Variants in ADAMTSL1 observed in about 807,000 individuals in gnomAD.
The protein encoded by ADAMTSL1 is ADAMTS-like protein 1.
A neutral mutation model predicts 201.8 loss-of-function variants in ADAMTSL1; 126 were observed. The observed-to-expected ratio is 0.62, with a 90% CI of 0.54 to 0.72. The LOEUF is 0.72. ADAMTSL1 is among the 30% of genes least tolerant of loss of function. The pLI, the probability that ADAMTSL1 is intolerant of heterozygous loss-of-function variation, is 0.00. For synonymous variants in ADAMTSL1, 1,121 were observed against 903.4 expected (o/e 1.24, Z -4.32); for missense variants, 2,679 against 2,277.8 (o/e 1.18, Z -3.59).
chr9:18,515,121 A>G (rs923978169), intron 2 of ADAMTSL1, among the ~76,000 whole-genome samples: 1 of 152,148 alleles, frequency 6.6e-6, no homozygotes, highest in Non-Finnish European at 1.5e-5. Flanking sequence ...AAAAATACAG[A>G]TATCTGGGCC....
intron 4 of ADAMTSL1, among the ~76,000 whole-genome samples, chr9:18,613,958 G>A (rs1420251410): frequency 6.6e-6 from 1 of 152,158 alleles, no homozygotes; most frequent in Non-Finnish European, 1.5e-5. Flanking sequence ...AGATCTTATT[G>A]AGAAGGTATT....
At chr9:18,005,725 A>C (rs1031456682) in intron 1 of ADAMTSL1, among the ~76,000 whole-genome samples, 1 of 152,078 alleles carries the variant, frequency 6.6e-6, no homozygotes, top group Non-Finnish European at 1.5e-5. Flanking sequence ...ACGTAGTGAT[A>C]GGAATGTGCT....
intron 2 of ADAMTSL1, among the ~76,000 whole-genome samples, chr9:18,181,167 TA>T (rs1828456758): frequency 1.3e-5 from 2 of 152,266 alleles, no homozygotes; most frequent in African/African-American, 2.4e-5. Context: ...ATGTTAGACC[TA>T]AAACCATAAA....
intron 1 of ADAMTSL1, among the ~76,000 whole-genome samples, chr9:17,957,084 C>G (rs535196352): frequency 6.6e-6 from 1 of 152,124 alleles, no homozygotes; most frequent in East Asian, 1.9e-4. Context: ...ATTAGAAACG[C>G]TCCGGTATTG....
At chr9:18,801,455 G>T (rs997567719) in intron 20 of ADAMTSL1, among the ~76,000 whole-genome samples, 2 of 152,074 alleles carry the variant, frequency 1.3e-5, no homozygotes, top group African/African-American at 4.8e-5. Flanking sequence ...GGGATTTGTT[G>T]TACAGATTAT....
At chr9:18,286,377 A>G (rs761433888) in intron 2 of ADAMTSL1, among the ~76,000 whole-genome samples, 5 of 152,198 alleles carry the variant, frequency 3.3e-5, no homozygotes, top group Non-Finnish European at 7.3e-5. Context: ...ATACATGATG[A>G]TGATAAACTT....
chr9:18,226,171 T>G (rs1830429639), intron 2 of ADAMTSL1, among the ~76,000 whole-genome samples: 1 of 152,172 alleles, frequency 6.6e-6, no homozygotes, highest in Non-Finnish European at 1.5e-5. Context: ...TTAATTGTGT[T>G]TCTTTTTAAT....
In ADAMTSL1 at chr9:18,777,094, C is replaced by G. The variant is rs375384004; in HGVS notation, c.2865C>G (p.His955Gln). Residue 955 changes from histidine (H) to glutamine (Q), a missense_variant, in exon 19 of 29, where the codon CAC becomes CAG. Physicochemically the swap from His to Gln is conservative, Grantham distance 24. Coordinates refer to ENST00000380548, the MANE Select transcript of ADAMTSL1 (RefSeq NM_001040272.6). Reference protein sequence around the residue: ...YTCSAGPAREHFVIKLIGGNR... With the variant: ...YTCSAGPAREQFVIKLIGGNR... The stretch of plus-strand genomic sequence containing the variant: ...GCTCAGCGGGCCCGGCCCGGGAGCA[C>G]TTTGTGATTAAGCTCATCGGAGGCA... 1.9e-6 allele frequency: 3 copies of G among 1,613,134 alleles called. No homozygotes were observed. Among genetic ancestry groups the G allele is most frequent in the Non-Finnish European group, 2.5e-6 (3 of 1,179,832 alleles).
chr9:18,773,771 T>C (rs1820827712), intron 17 of ADAMTSL1, among the ~76,000 whole-genome samples: 1 of 152,232 alleles, frequency 6.6e-6, no homozygotes, highest in Non-Finnish European at 1.5e-5. Flanking sequence ...GACCTGAAAC[T>C]CTGTTTTTAT....
At chr9:18,260,497 C>A (rs114091058) in intron 2 of ADAMTSL1, among the ~76,000 whole-genome samples, 136 of 152,352 alleles carry the variant, frequency 8.9e-4, no homozygotes, top group African/African-American at 3.2e-3. Flanking sequence ...TGTTGGGCTA[C>A]CTGGGCCTAG....
chr9:18,527,286 C>CA (rs1819139764), intron 2 of ADAMTSL1, among the ~76,000 whole-genome samples: 1 of 152,136 alleles, frequency 6.6e-6, no homozygotes, highest in Non-Finnish European at 1.5e-5. Context: ...GAGATAAAGC[C>CA]TGGGGTGCCA....
intron 1 of ADAMTSL1, among the ~76,000 whole-genome samples, chr9:17,986,770 G>C (rs1818944509): frequency 6.6e-6 from 1 of 152,068 alleles, no homozygotes; most frequent in Non-Finnish European, 1.5e-5. Flanking sequence ...TGCAGTACTA[G>C]TATTTGGCCT....
chr9:18,073,386 A>G (rs916350545), intron 1 of ADAMTSL1, among the ~76,000 whole-genome samples: 13 of 152,224 alleles, frequency 8.5e-5, no homozygotes, highest in African/African-American at 2.4e-4. Flanking sequence ...GAGCTGCTTT[A>G]TAAATCCATC....
At chr9:18,575,826 A>C (rs539120772) in intron 4 of ADAMTSL1, among the ~76,000 whole-genome samples, 1 of 152,200 alleles carries the variant, frequency 6.6e-6, no homozygotes, top group African/African-American at 2.4e-5. Context: ...ATCCCATTCA[A>C]TGTTATTGCT....
intron 20 of ADAMTSL1, among the ~76,000 whole-genome samples, chr9:18,812,422 T>A (rs940899877): frequency 2.6e-5 from 4 of 152,342 alleles, no homozygotes; most frequent in African/African-American, 9.6e-5. Context: ...TCTCACATCT[T>A]ACATAAAAAT....
At chr9:17,999,159 A>G (rs1176321758) in intron 1 of ADAMTSL1, among the ~76,000 whole-genome samples, 1 of 152,130 alleles carries the variant, frequency 6.6e-6, no homozygotes, top group Non-Finnish European at 1.5e-5. Flanking sequence ...TGTGATTGTG[A>G]TAATGAACAC....
chr9:18,207,655 G>A (rs941316985), intron 2 of ADAMTSL1, among the ~76,000 whole-genome samples: 3 of 152,084 alleles, frequency 2.0e-5, no homozygotes, highest in African/African-American at 7.2e-5. Flanking sequence ...CATTTTAGGC[G>A]CCCTTGTAAC....
intron 2 of ADAMTSL1, among the ~76,000 whole-genome samples, chr9:18,319,402 G>C (rs1834533695): frequency 6.6e-6 from 1 of 151,964 alleles, no homozygotes; most frequent in African/African-American, 2.4e-5. Flanking sequence ...CAGTCTTAAT[G>C]TAATCATCCT....
chr9:18,103,504 C>G (rs1305982940), intron 1 of ADAMTSL1, among the ~76,000 whole-genome samples: 1 of 152,076 alleles, frequency 6.6e-6, no homozygotes, highest in East Asian at 1.9e-4. Context: ...TAGGCCAGCA[C>G]TATGAATTTC....
Sources: gnomAD v4.1 joint callset for allele counts (sites outside exome capture counted in the v4.1 genomes callset) on GRCh38, gnomAD v4.1.1 for gene constraint, MANE v1.5 for transcripts, NCBI Gene and HGNC (gene_info 2026-07-23, HGNC 2026-07-21) for gene names.